Variants in EYS observed in about 807,000 individuals in gnomAD.
The protein encoded by EYS is EGF-like photoreceptor maintenance factor, also known as protein eyes shut homolog.
Under a neutral mutation model 282.1 loss-of-function variants are expected in EYS, and 250 were observed. The ratio of observed to expected loss-of-function variants is 0.89; its 90% CI spans 0.80 to 0.98. The LOEUF (loss-of-function observed/expected upper bound fraction) is 0.98. EYS is among the 50% of genes least tolerant of loss of function. The pLI is 0.00. For missense variants in EYS, 4,016 were observed against 3,709.0 expected (o/e 1.08, Z -2.15); for synonymous variants, 1,355 against 1,282.9 (o/e 1.06, Z -1.20).
At chr6:65,082,668 T>C (rs1774258988) in intron 12 of EYS, among the ~76,000 whole-genome samples, 1 of 152,050 alleles carries the variant, frequency 6.6e-6, no homozygotes. Flanking sequence ...ACTCTGTGCA[T>C]AAAAGTTTAT....
At chr6:64,341,182 A>AC in intron 29 of EYS, among the ~76,000 whole-genome samples, 1 of 151,912 alleles carries the variant, frequency 6.6e-6, no homozygotes, top group Non-Finnish European at 1.5e-5. Flanking sequence ...CTACCATTCA[A>AC]CCCAGCAATC....
intron 19 of EYS, among the ~76,000 whole-genome samples, chr6:64,841,260 G>A (rs953806072): frequency 1.3e-5 from 2 of 152,010 alleles, no homozygotes; most frequent in African/African-American, 4.8e-5. Context: ...AAACATCTAT[G>A]AACCACTTAT....
At position 65,098,404 on chromosome 6, in the gene EYS, G is replaced by T. The variant is rs146942199; in HGVS notation, c.2024-40677C>A. 7.5e-3 allele frequency among the ~76,000 whole-genome samples: 1,129 copies of T among 150,814 alleles called. 21 individuals are homozygous for T. The highest frequency in any genetic ancestry group is 0.024 in the African/African-American group (1,012 of 41,398). On this transcript the variant is annotated intron_variant, in intron 12 of 42. Transcript: ENST00000503581. ...TGTTTCTCTTAATATGAGAAAGAAT[G>T]ACTTATAAAAGAAGATTTAAAGTAC...
intron 29 of EYS, among the ~76,000 whole-genome samples, chr6:64,336,552 C>A (rs534405900): frequency 6.6e-6 from 1 of 152,180 alleles, no homozygotes; most frequent in East Asian, 1.9e-4. Context: ...CCACTGACAG[C>A]CCTAGACAGG....
intron 22 of EYS, chr6:64,733,789 C>G (rs1012327929): frequency 6.0e-6 from 1 of 165,982 alleles, no homozygotes; most frequent in South Asian, 1.7e-4. Context: ...GCAAACAAAG[C>G]CAGAAAGATG....
chr6:64,449,965 C>G (rs915991852), intron 26 of EYS, among the ~76,000 whole-genome samples: 2 of 152,112 alleles, frequency 1.3e-5, no homozygotes, highest in African/African-American at 2.4e-5. Flanking sequence ...GCAAAATAAG[C>G]AGCTAACATC....
At chr6:64,356,057 C>T (rs1771814243) in intron 29 of EYS, among the ~76,000 whole-genome samples, 1 of 151,514 alleles carries the variant, frequency 6.6e-6, no homozygotes, top group South Asian at 2.1e-4. Context: ...GAGCTCAGGG[C>T]CAACATTACA....
intron 12 of EYS, among the ~76,000 whole-genome samples, chr6:65,201,450 T>C (rs983803101): frequency 1.3e-5 from 2 of 152,166 alleles, no homozygotes; most frequent in Admixed American, 6.6e-5. Context: ...AATACTCTTC[T>C]TTATGTGCTC....
At chr6:64,419,147 A>G (rs935731575) in intron 28 of EYS, among the ~76,000 whole-genome samples, 1 of 152,172 alleles carries the variant, frequency 6.6e-6, no homozygotes, top group Non-Finnish European at 1.5e-5. Flanking sequence ...AAGTAGCTAT[A>G]TTAGTCCATT....
At chr6:65,085,675 T>G (rs1289261034) in intron 12 of EYS, among the ~76,000 whole-genome samples, 1 of 152,204 alleles carries the variant, frequency 6.6e-6, no homozygotes, top group African/African-American at 2.4e-5. Flanking sequence ...AAAAAAAATC[T>G]TCCAGAACAC....
At chr6:65,132,686 A>G (rs1280637228) in intron 12 of EYS, among the ~76,000 whole-genome samples, 1 of 152,030 alleles carries the variant, frequency 6.6e-6, no homozygotes, top group Admixed American at 6.6e-5. Context: ...TTCTATTAAC[A>G]ACATAGTATT....
intron 31 of EYS, among the ~76,000 whole-genome samples, chr6:64,163,944 G>GT (rs1251129036): frequency 2.0e-5 from 3 of 151,994 alleles, no homozygotes; most frequent in African/African-American, 7.2e-5. Flanking sequence ...AAGACCAATT[G>GT]TTTTTTCTAC....
chr6:65,031,441 G>A (rs1010959206), intron 13 of EYS, among the ~76,000 whole-genome samples: 2 of 151,856 alleles, frequency 1.3e-5, no homozygotes, highest in Admixed American at 1.3e-4. Context: ...CTTCTCATTG[G>A]CATATGACAC....
intron 13 of EYS, among the ~76,000 whole-genome samples, chr6:65,025,882 G>A (rs1296746683): frequency 6.6e-6 from 1 of 152,112 alleles, no homozygotes; most frequent in East Asian, 1.9e-4. Context: ...ACTCCCCAGG[G>A]CAGAGAAACT....
chr6:65,555,386 A>G (rs1206264359), intron 2 of EYS, among the ~76,000 whole-genome samples: 1 of 152,124 alleles, frequency 6.6e-6, no homozygotes, highest in East Asian at 1.9e-4. Context: ...CTTATCTTTT[A>G]CAATGCATAT....
At chr6:64,515,334 T>C (rs560749688) in intron 26 of EYS, among the ~76,000 whole-genome samples, 1 of 151,634 alleles carries the variant, frequency 6.6e-6, no homozygotes, top group African/African-American at 2.4e-5. Flanking sequence ...TAAAAGTAAG[T>C]AAAAGGGAAG....
chr6:64,168,260 C>CAATAAATAAATAAATAAATAAATAAATA (rs377467664), intron 31 of EYS, among the ~76,000 whole-genome samples: 3 of 151,274 alleles, frequency 2.0e-5, no homozygotes, highest in African/African-American at 7.4e-5. Context: ...AACTCCATTT[C>CAATAAATAAATAAATAAATAAATAAATA]AATAAATAAA....
intron 35 of EYS, among the ~76,000 whole-genome samples, chr6:63,948,366 C>T (rs1034193615): frequency 5.9e-5 from 9 of 152,194 alleles, no homozygotes; most frequent in African/African-American, 2.2e-4. Flanking sequence ...TGGAGGAGAA[C>T]ATGCTTCTCC....
At chr6:64,932,215 C>T (rs140884797) in intron 15 of EYS, among the ~76,000 whole-genome samples, 227 of 152,014 alleles carry the variant, frequency 1.5e-3, no homozygotes, top group Middle Eastern at 6.8e-3. Context: ...GCTGAGAAAC[C>T]AGCAACCTAA....
Sources: gnomAD v4.1 joint callset for allele counts (sites outside exome capture counted in the v4.1 genomes callset) on GRCh38, gnomAD v4.1.1 for gene constraint, MANE v1.5 for transcripts, NCBI Gene and HGNC (gene_info 2026-07-23, HGNC 2026-07-21) for gene names.